The following OR9Q1 variants were observed in gnomAD, a reference collection of about 807,000 sequenced individuals.
The protein encoded by OR9Q1 is olfactory receptor family 9 subfamily Q member 1, also known as olfactory receptor 9Q1.
For missense variants in OR9Q1, 374 were observed against 378.8 expected (o/e 0.99, Z 0.11); for synonymous variants, 153 against 148.6 (o/e 1.03, Z -0.22).
intron 2 of OR9Q1, among the ~76,000 whole-genome samples, chr11:58,113,350 G>T (rs956324998): frequency 2.6e-5 from 4 of 152,096 alleles, no homozygotes; most frequent in Non-Finnish European, 5.9e-5. Context: ...GTCCCATTTG[G>T]TGCCTCAGGA....
At chr11:58,031,313 G>A (rs771792414) in intron 1 of OR9Q1, 2 of 1,614,118 alleles carry the variant, frequency 1.2e-6, no homozygotes, top group Admixed American at 1.7e-5. Context: ...CCTACTGGCT[G>A]CCATGGCCTA....
At chr11:58,121,402 A>G (rs1037787304) in intron 2 of OR9Q1, among the ~76,000 whole-genome samples, 1 of 152,102 alleles carries the variant, frequency 6.6e-6, no homozygotes, top group Non-Finnish European at 1.5e-5. Flanking sequence ...TTTTTTCCCA[A>G]AGTCATCTCT....
At chr11:58,036,796 T>C (rs557010356) in intron 1 of OR9Q1, among the ~76,000 whole-genome samples, 1 of 152,234 alleles carries the variant, frequency 6.6e-6, no homozygotes, top group African/African-American at 2.4e-5. Flanking sequence ...ACAAAACGAA[T>C]GGATGAAGAG....
At chr11:58,083,636 T>C (rs992411905) in intron 2 of OR9Q1, among the ~76,000 whole-genome samples, 1 of 149,826 alleles carries the variant, frequency 6.7e-6, no homozygotes, top group Non-Finnish European at 1.5e-5. Context: ...TAATTTTGTA[T>C]ATGCTGAAAG....
At position 58,178,934 on chromosome 11, in the gene OR9Q1, T is replaced by TTATATATTATATA. The variant is rs916498498; in HGVS notation, c.-14-490_-14-489insTATATATATATAT. ...TATTATATATTTATATATTATATATTTATATATAATATATATTTACATATA... is the reference window on the plus strand; with the variant it reads ...TATTATATATTTATATATTATATATTTATATATTATATATATATATAATATATATTTACATATA... On this transcript the variant is annotated intron_variant, in intron 2 of 2. Transcript: ENST00000335397. Among the ~76,000 whole-genome samples, 3 of 142,122 alleles carry TTATATATTATATA rather than the reference T, an allele frequency of 2.1e-5. No individual in the cohort carries two copies. The East Asian group carries it at 5.9e-4, about 28-fold the overall frequency. 93.2% of individuals were successfully genotyped at this position (142,122 alleles called of 152,430 possible). A position where few individuals can be genotyped will look rare whatever the true frequency, so the allele number is the denominator to read the frequency against.
chr11:58,152,472 A>C (rs1854362574), intron 2 of OR9Q1, among the ~76,000 whole-genome samples: 2 of 152,132 alleles, frequency 1.3e-5, no homozygotes, highest in Admixed American at 6.6e-5. Context: ...AAATTACCTC[A>C]TTATTTTAGT....
chr11:58,175,154 A>G (rs1462220152), intron 2 of OR9Q1, among the ~76,000 whole-genome samples: 1 of 151,714 alleles, frequency 6.6e-6, no homozygotes, highest in Non-Finnish European at 1.5e-5. Flanking sequence ...ACGCACAACA[A>G]TATATAAAAA....
chr11:58,162,668 AGAAAAAT>A (rs1300913868), intron 2 of OR9Q1, among the ~76,000 whole-genome samples: 1 of 152,240 alleles, frequency 6.6e-6, no homozygotes, highest in African/African-American at 2.4e-5. Context: ...ATGTGACATA[AGAAAAAT>A]GAAATAATAA....
At chr11:58,113,399 A>C (rs1251570689) in intron 2 of OR9Q1, among the ~76,000 whole-genome samples, 2 of 152,124 alleles carry the variant, frequency 1.3e-5, no homozygotes. Context: ...CAGAACTAAC[A>C]AGTCCAGGAT....
chr11:58,091,701 T>C (rs915367497), intron 2 of OR9Q1, among the ~76,000 whole-genome samples: 6 of 152,200 alleles, frequency 3.9e-5, no homozygotes, highest in Non-Finnish European at 8.8e-5. Context: ...AGTATTCTTG[T>C]TAATTTTCTG....
intron 2 of OR9Q1, among the ~76,000 whole-genome samples, chr11:58,107,020 T>C (rs1853846945): frequency 6.6e-6 from 1 of 152,210 alleles, no homozygotes; most frequent in African/African-American, 2.4e-5. Context: ...ATTGGGATTT[T>C]GATGGGAATA....
chr11:58,036,141 T>C (rs1853098843), intron 1 of OR9Q1, among the ~76,000 whole-genome samples: 1 of 152,200 alleles, frequency 6.6e-6, no homozygotes, highest in South Asian at 2.1e-4. Context: ...GTCACTATTG[T>C]CATTGTTTTG....
At chr11:58,041,749 A>G (rs780899734) in intron 1 of OR9Q1, 1 of 152,290 alleles carries the variant, frequency 6.6e-6, no homozygotes, top group African/African-American at 2.4e-5. Flanking sequence ...TTCCGTGGTC[A>G]AGCAGTTCTA....
chr11:58,167,328 CTAAAG>C (rs1680854518), intron 2 of OR9Q1, among the ~76,000 whole-genome samples: 1 of 151,994 alleles, frequency 6.6e-6, no homozygotes, highest in Admixed American at 6.6e-5. Flanking sequence ...TATTTTAACT[CTAAAG>C]TATTATTTAA....
chr11:58,030,749 G>T (rs1485210780), intron 1 of OR9Q1, among the ~76,000 whole-genome samples: 1 of 152,162 alleles, frequency 6.6e-6, no homozygotes, highest in Non-Finnish European at 1.5e-5. Context: ...CTTAGCCAGT[G>T]CATTTCATTT....
At chr11:58,145,166 G>A (rs7945154) in intron 2 of OR9Q1, 31,367 of 152,182 alleles carry the variant, frequency 0.21, 3,801 homozygotes, top group Middle Eastern at 0.35. Flanking sequence ...CTGAAGATTC[G>A]TACAGCAGGT....
At chr11:58,031,130 C>A (rs781298405) in intron 1 of OR9Q1, 4 of 1,614,178 alleles carry the variant, frequency 2.5e-6, no homozygotes, top group Non-Finnish European at 3.4e-6. Flanking sequence ...ACTACGGAGA[C>A]CCATGTATTT....
intron 1 of OR9Q1, among the ~76,000 whole-genome samples, chr11:58,030,531 G>C (rs1206895398): frequency 6.6e-6 from 1 of 152,120 alleles, no homozygotes; most frequent in Non-Finnish European, 1.5e-5. Flanking sequence ...ATGGTAAACT[G>C]TCTCTACTTG....
intron 2 of OR9Q1, among the ~76,000 whole-genome samples, chr11:58,085,443 T>G (rs977054046): frequency 6.6e-6 from 1 of 151,870 alleles, no homozygotes; most frequent in Non-Finnish European, 1.5e-5. Flanking sequence ...TAACAAAATT[T>G]TAAATATCCA....
Sources: gnomAD v4.1 joint callset for allele counts (sites outside exome capture counted in the v4.1 genomes callset) on GRCh38, gnomAD v4.1.1 for gene constraint, MANE v1.5 for transcripts, NCBI Gene and HGNC (gene_info 2026-07-23, HGNC 2026-07-21) for gene names.